FPGS: variants seen among roughly 807,000 people sequenced by gnomAD.
FPGS encodes the protein folylpolyglutamate synthase, mitochondrial.
A neutral mutation model predicts 66.5 loss-of-function variants in FPGS; 53 were observed. The observed-to-expected ratio is 0.80, with a 90% CI of 0.64 to 1.00. The LOEUF (loss-of-function observed/expected upper bound fraction) is 1.00. Ranked by LOEUF, FPGS falls within the 50% of genes least tolerant of loss-of-function variation. FPGS has a pLI of 0.00. For missense variants in FPGS, 702 were observed against 807.7 expected (o/e 0.87, Z 1.59); for synonymous variants, 348 against 350.9 (o/e 0.99, Z 0.09).
chr9:127,813,223 C>A lies in FPGS; in HGVS notation c.1383C>A (p.Asp461Glu). The A allele has an allele frequency of 6.3e-7, 1 of 1,599,640 alleles. No individual in the cohort carries two copies. ...ADQQNFTVTL[D>E]QVLLRCLEHQ... is the part of the protein sequence containing the mutation. ...AACAGAACTTCACAGTGACACTGGA[C>A]CAGGTCCTGCTCCGCTGCCTGGAAC... Residue 461 changes from aspartate to glutamate, a missense_variant, in exon 15 of 15, where the codon GAC becomes GAA. Transcript: ENST00000373247.
chr9:127,813,610 G>T lies in FPGS; in HGVS notation c.*6G>T, dbSNP rs747834209. The stretch of plus-strand genomic sequence containing the variant: ...AGCCCGCACTGTCCCAGTAGCCAAG[G>T]CCCGGGGTTGGAGGTGGGAGCTTCC... On this transcript the variant is annotated 3_prime_UTR_variant, in exon 15 of 15. Transcript: ENST00000373247. The T allele has an allele frequency of 6.6e-7, 1 of 1,507,582 alleles. No individual in the cohort carries two copies. The highest frequency in any genetic ancestry group is 2.3e-5 in the Admixed American group (1 of 44,432). 93.4% of individuals were successfully genotyped at this position (1,507,582 alleles called of 1,614,324 possible).
In FPGS at chr9:127,807,336, A is replaced by T. The variant is rs766265232; in HGVS notation, c.579+50A>T. ...TGCATCTGAGGCCTTGGGAACGGGA[A>T]CCTCAGCAGGCCTGGGGGCTCCCTG... is the stretch of plus-strand genomic sequence containing the variant. On this transcript the variant is annotated intron_variant, in intron 6 of 14. Coordinates refer to ENST00000373247, the MANE Select transcript of FPGS (RefSeq NM_004957.6). This position sits in a 1 kb window ranked among gnomAD's most constrained non-coding sequence, Gnocchi z 5.8. 3.1e-6 allele frequency: 5 copies of T among 1,612,250 alleles called. No homozygotes were observed. The highest frequency in any genetic ancestry group is 4.2e-6 in the Non-Finnish European group (5 of 1,178,546).
At chr9:127,804,923 C>T in intron 4 of FPGS, 1 of 528,626 alleles carries the variant, frequency 1.9e-6, no homozygotes, top group Non-Finnish European at 3.4e-6. Context: ...GAGTCTCACT[C>T]TATCGCCCAG....
chr9:127,808,628 A>T lies in FPGS; in HGVS notation c.893A>T (p.Glu298Val), dbSNP rs1829927448. The change falls in exon 10 of 15, where the codon GAG (glutamate) becomes GTG (valine). Residue 298 changes from glutamate to valine, a missense_variant. Coordinates refer to ENST00000373247, the MANE Select transcript of FPGS (RefSeq NM_004957.6). ...EGGPPLTLGL[E>V]GEHQRSNAAL... Reference sequence around the variant, plus strand: ...GGGCCGCCGCTGACCCTGGGCCTGGAGGGGGAGCACCAGCGGTCCAACGCC... The same window carrying T: ...GGGCCGCCGCTGACCCTGGGCCTGGTGGGGGAGCACCAGCGGTCCAACGCC... 1.2e-6 allele frequency: 2 copies of T among 1,611,374 alleles called. No homozygotes were observed. Among genetic ancestry groups the T allele is most frequent in the Admixed American group, 3.3e-5 (2 of 59,784 alleles).
chr9:127,809,682 AG>A lies in FPGS; in HGVS notation c.1062del. 1 of 1,585,934 alleles carries A rather than the reference AG, an allele frequency of 6.3e-7. No individual in the cohort carries two copies. On this transcript the variant is annotated splice_acceptor_variant, in intron 11 of 14. Coordinates refer to ENST00000373247, the MANE Select transcript of FPGS (RefSeq NM_004957.6). LOFTEE classifies it high-confidence loss of function. ...GAGGACTGCCTTGCTGCCCTCCCCC[AG>A]GGCTTCGGAACACGGAGTGGCCGGG...
chr9:127,805,753 G>T (rs1223974296), intron 4 of FPGS, among the ~76,000 whole-genome samples: 1 of 152,202 alleles, frequency 6.6e-6, no homozygotes, highest in Admixed American at 6.5e-5. Flanking sequence ...CCACGTTAAG[G>T]TCTCCTAGGC....
At chr9:127,808,449 A>T (rs1308351741) in intron 9 of FPGS, 109 bp from the exon 10 acceptor site, 2 of 1,536,854 alleles carry the variant, frequency 1.3e-6, no homozygotes, top group African/African-American at 2.7e-5. Flanking sequence ...CTGCTGGAAC[A>T]CATCTCAGTT....
Position 127,809,775 on chromosome 9 carries a change from C to A in FPGS, c.1152C>A (p.Ser384Arg), listed in dbSNP as rs1347666133. The change falls in exon 12 of 15, where the codon AGC (serine) becomes AGA (arginine). Residue 384 changes from serine (S) to arginine (R), a missense_variant. Physicochemically the swap from Ser to Arg is moderately radical, Grantham distance 110. This residue lies in a region of FPGS where 351 missense variants were observed against 363.7 expected (regional missense o/e 0.97). Transcript: ENST00000373247. ...TGGACGGTGCGCACACCGCCAGCAG[C>A]GCGCAGGCCTGCGTGCGCTGGTTCC... ...WYLDGAHTAS[S>R]AQACVRWFRQ... The A allele has an allele frequency of 6.4e-7, 1 of 1,561,056 alleles. No individual in the cohort carries two copies. Among genetic ancestry groups the A allele is most frequent in the Non-Finnish European group, 8.6e-7 (1 of 1,164,250 alleles).
At chr9:127,808,441 G>C in intron 9 of FPGS, 117 bp from the exon 10 acceptor site, 1 of 1,528,228 alleles carries the variant, frequency 6.5e-7, no homozygotes, top group East Asian at 2.3e-5. Context: ...TGCCAGGCCT[G>C]CTGGAACACA....
intron 9 of FPGS, 26 bp downstream of exon 9, chr9:127,808,337 G>A (rs764618351): frequency 2.8e-5 from 45 of 1,600,662 alleles, no homozygotes; most frequent in African/African-American, 4.0e-5. Context: ...ATGGGGCAGC[G>A]GCAGGGTGGG....
In FPGS at chr9:127,813,183, T is replaced by C; in HGVS notation, c.1355-12T>C. ...TCCCCTTCGCTGATAGGCCTTTCTC[T>C]GTGCCCCACAGACCAACAGAACTTC... On this transcript the variant is annotated splice_polypyrimidine_tract_variant and intron_variant, in intron 14 of 14. Transcript: ENST00000373247. 1 of 1,552,200 alleles carries C rather than the reference T, an allele frequency of 6.4e-7. No individual in the cohort carries two copies.
In FPGS at chr9:127,806,985, G is replaced by C. The variant is rs1829837345; in HGVS notation, c.399G>C (p.Leu133=). 2 of 1,613,910 alleles carry C rather than the reference G, an allele frequency of 1.2e-6. No homozygotes were observed. Among genetic ancestry groups the C allele is most frequent in the Non-Finnish European group, 1.7e-6 (2 of 1,179,876 alleles). Residue 133 remains leucine, a synonymous_variant, in exon 5 of 15, where the codon CTG becomes CTC. Coordinates refer to ENST00000373247, the MANE Select transcript of FPGS (RefSeq NM_004957.6). ...LKTGFFSSPH[L]VQVRERIRIN... ...GCTGTCCCGGCAGCTCTCCCCACCT[G>C]GTGCAGGTTCGGGAGCGGATCCGCA... is the stretch of plus-strand genomic sequence containing the variant.
Position 127,807,933 on chromosome 9 carries a change from C to CT in FPGS, c.744+246dup, listed in dbSNP as rs1344656601. 31 of 567,202 alleles carry CT rather than the reference C, an allele frequency of 5.5e-5. No homozygotes were observed. The highest frequency in any genetic ancestry group is 3.3e-5 in the Admixed American group (1 of 30,652). 35.1% of individuals were successfully genotyped at this position (567,202 alleles called of 1,614,324 possible). A position where few individuals can be genotyped will look rare whatever the true frequency, so the allele number is the denominator to read the frequency against. Reference sequence around the variant, plus strand: ...CCAGCCTGACCAATATGGGGAAACTCTGTCTCTACTAAAAATACAAAAATT... The same window carrying CT: ...CCAGCCTGACCAATATGGGGAAACTCTTGTCTCTACTAAAAATACAAAAATT... On this transcript the variant is annotated intron_variant, in intron 8 of 14. Coordinates refer to ENST00000373247, the MANE Select transcript of FPGS (RefSeq NM_004957.6). This position sits in a 1 kb window ranked among gnomAD's most constrained non-coding sequence, Gnocchi z 5.8.
chr9:127,808,361 TGTTTG>T, intron 9 of FPGS, 50 bp downstream of exon 9: 2 of 1,547,480 alleles, frequency 1.3e-6, no homozygotes, highest in Non-Finnish European at 1.8e-6. Flanking sequence ...GTGTCCCTCC[TGTTTG>T]AGGAGGCACT....
chr9:127,810,208 G>C, intron 13 of FPGS, 102 bp downstream of exon 13: 1 of 1,009,330 alleles, frequency 9.9e-7, no homozygotes, highest in South Asian at 1.4e-5. Flanking sequence ...GAGTTGTATT[G>C]AGGATTAGAT....
At chr9:127,804,047 C>T (rs1829713450) in intron 1 of FPGS, among the ~76,000 whole-genome samples, 1 of 152,240 alleles carries the variant, frequency 6.6e-6, no homozygotes, top group South Asian at 2.1e-4. Flanking sequence ...ATGCCACCTT[C>T]TTTGTGTAGC....
In FPGS at chr9:127,804,522, C is replaced by T; in HGVS notation, c.291C>T (p.Asn97=). The T allele has an allele frequency of 6.2e-7, 1 of 1,614,150 alleles. No individual in the cohort carries two copies. Among genetic ancestry groups the T allele is most frequent in the East Asian group, 2.2e-5 (1 of 44,892 alleles). ...AGGTGGAGGACTTGGACCGGCTGAACATCATCCACGTCACTGGGACGAAGG... is the reference window on the plus strand; with the variant it reads ...AGGTGGAGGACTTGGACCGGCTGAATATCATCCACGTCACTGGGACGAAGG... ...GLQVEDLDRL[N]IIHVTGTKGK... The change falls in exon 3 of 15, where the codon AAC becomes AAT. Residue 97 remains asparagine (N), a synonymous_variant. Transcript: ENST00000373247.
intron 8 of FPGS, 89 bp from the exon 9 acceptor site, chr9:127,808,145 T>G: frequency 1.1e-6 from 1 of 917,814 alleles, no homozygotes; most frequent in Non-Finnish European, 1.8e-6. Flanking sequence ...TGAGAGACAG[T>G]GGTAGCCCAG....
chr9:127,802,909 CGGG>C lies in FPGS; in HGVS notation c.-13_-11del. On this transcript the variant is annotated 5_prime_UTR_variant, in exon 1 of 15. Transcript: ENST00000373247. ...CTCCCGCCCGGGCCTAGAGCGCTGC[CGGG>C]GGCGCCGGGACTATGTCGCGGGCGC... 7.4e-7 allele frequency: 1 copy of C among 1,353,344 alleles called. No homozygotes were observed. Among genetic ancestry groups the C allele is most frequent in the Non-Finnish European group, 9.4e-7 (1 of 1,059,354 alleles). 83.8% of individuals were successfully genotyped at this position (1,353,344 alleles called of 1,614,324 possible).
Sources: allele counts gnomAD v4.1 joint callset (sites outside exome capture counted in the v4.1 genomes callset), GRCh38; gene constraint gnomAD v4.1.1; regional missense constraint gnomAD v4.1.1; non-coding constraint Gnocchi (gnomAD v3.1); transcripts MANE v1.5; gene names NCBI Gene and HGNC (gene_info 2026-07-23, HGNC 2026-07-21).